The following GSDME variants were observed in gnomAD, a reference collection of about 807,000 sequenced individuals.
GSDME encodes gasdermin E.
A neutral mutation model predicts 47.5 loss-of-function variants in GSDME; 44 were observed. That is an observed-to-expected ratio of 0.93 (90% confidence interval 0.73 to 1.19). The LOEUF is 1.19. Among genes scored for constraint, GSDME ranks in the 50% most tolerant of loss-of-function variants. The pLI is 0.00. For missense variants in GSDME, 663 were observed against 604.2 expected (o/e 1.10, Z -1.02); for synonymous variants, 258 against 252.8 (o/e 1.02, Z -0.20).
the GSDME span, among the ~76,000 whole-genome samples, chr7:24,779,277 T>C: frequency 1.3e-5 from 2 of 152,120 alleles, no homozygotes; most frequent in African/African-American, 2.4e-5. This position sits in a 1 kb window ranked among gnomAD's most constrained non-coding sequence, Gnocchi z 6.0. Context: ...AAGAAAGTGG[T>C]TAGTAACTGC....
chr7:24,723,793 G>A (rs910493486), intron 3 of GSDME, among the ~76,000 whole-genome samples: 1 of 152,142 alleles, frequency 6.6e-6, no homozygotes, highest in African/African-American at 2.4e-5. Context: ...CTCTTGTATT[G>A]CTATGTTCAT....
chr7:24,707,631 G>A, intron 7 of GSDME: 1 of 355,714 alleles, frequency 2.8e-6, no homozygotes, highest in Non-Finnish European at 5.5e-6. Context: ...CCTAGATTGG[G>A]GTGGGCCCTA....
rs1282662442 is a variant in GSDME at position 24,735,807 on chromosome 7, A to AT, written c.404+8754_404+8755insA. Among the ~76,000 whole-genome samples, 1 of 150,570 alleles carries AT rather than the reference A, an allele frequency of 6.6e-6. No homozygotes were observed. On this transcript the variant is annotated intron_variant, in intron 3 of 9. Transcript: ENST00000645220. The surrounding 1 kb of genome is among the most constrained non-coding windows in gnomAD (Gnocchi z 4.4). Reference sequence around the variant, plus strand: ...AATAAATAAATAAATAAATAAATAAAACTACAAAAACTTTTCAAGACATAG... The same window carrying AT: ...AATAAATAAATAAATAAATAAATAAATACTACAAAAACTTTTCAAGACATAG...
chr7:24,778,037 GA>G, the GSDME span, among the ~76,000 whole-genome samples: 7 of 144,654 alleles, frequency 4.8e-5, no homozygotes, highest in Admixed American at 6.9e-5. The surrounding 1 kb of genome is among the most constrained non-coding windows in gnomAD (Gnocchi z 5.6). Flanking sequence ...GGCCGGGAAT[GA>G]AAAAAAAAAG....
At chr7:24,794,270 C>T in the GSDME span, among the ~76,000 whole-genome samples, 1 of 144,912 alleles carries the variant, frequency 6.9e-6, no homozygotes, top group African/African-American at 2.6e-5. Context: ...TTTCTTCTCT[C>T]TCTCTCTTTC....
At position 24,712,743 on chromosome 7, in the gene GSDME, G is replaced by A. The variant is rs551498546; in HGVS notation, c.698-2355C>T. Among the ~76,000 whole-genome samples, 2 of 152,300 alleles carry A rather than the reference G, an allele frequency of 1.3e-5. No individual in the cohort carries two copies. The highest frequency in any genetic ancestry group is 4.8e-5 in the African/African-American group (2 of 41,564). On this transcript the variant is annotated intron_variant, in intron 5 of 9. Transcript: ENST00000645220. This position sits in a 1 kb window ranked among gnomAD's most constrained non-coding sequence, Gnocchi z 4.4. The stretch of plus-strand genomic sequence containing the variant: ...CAGACAGATTAACAAGAGAGGCCAG[G>A]CACGGTGGCTCACACCTATAATCCT...
rs1000254750 is a variant in GSDME at position 24,724,926 on chromosome 7, C to T, written c.405-5708G>A. 1.3e-5 allele frequency: 2 copies of T among 152,034 alleles called. No homozygotes were observed. Among genetic ancestry groups the T allele is most frequent in the Admixed American group, 1.3e-4 (2 of 15,266 alleles). 9.4% of individuals were successfully genotyped at this position (152,034 alleles called of 1,614,324 possible). ...GTTCACACTGGTTAAGAGTGTGGTA[C>T]CTTCCCCCTCACTCTCTCTTGTTCC... On this transcript the variant is annotated intron_variant, in intron 3 of 9. Transcript: ENST00000645220. The surrounding 1 kb of genome is among the most constrained non-coding windows in gnomAD (Gnocchi z 4.8).
Position 24,705,649 on chromosome 7 carries a change from C to T in GSDME, c.1183+535G>A, listed in dbSNP as rs761317634. 5.5e-6 allele frequency: 1 copy of T among 182,612 alleles called. No homozygotes were observed. The highest frequency in any genetic ancestry group is 1.2e-5 in the Non-Finnish European group (1 of 86,430). The allele number at this position is 182,612 out of a possible 1,614,324, so 11.3% of individuals were successfully genotyped here. A position where few individuals can be genotyped will look rare whatever the true frequency, so the allele number is the denominator to read the frequency against. The stretch of plus-strand genomic sequence containing the variant: ...TGGCTGCTCCCCTGGGAGGCCATTT[C>T]AGGACCAGTGCAGAAGCTGTGCATC... On this transcript the variant is annotated intron_variant, in intron 8 of 9. Transcript: ENST00000645220. This position sits in a 1 kb window ranked among gnomAD's most constrained non-coding sequence, Gnocchi z 4.1.
At chr7:24,719,784 C>A (rs1387095428) in intron 3 of GSDME, among the ~76,000 whole-genome samples, 1 of 151,462 alleles carries the variant, frequency 6.6e-6, no homozygotes, top group East Asian at 1.9e-4. Flanking sequence ...CAGAGCAAGA[C>A]TCCATCTCAA....
intron 3 of GSDME, among the ~76,000 whole-genome samples, chr7:24,734,431 C>T (rs572273626): frequency 6.6e-6 from 1 of 152,360 alleles, no homozygotes; most frequent in East Asian, 1.9e-4. Context: ...AACATGACTT[C>T]ACCAAACAAA....
chr7:24,699,301 T>TA (rs764101291), intron 9 of GSDME, 42 bp from the exon 10 acceptor site: 9 of 1,461,390 alleles, frequency 6.2e-6, no homozygotes, highest in East Asian at 2.3e-5. Context: ...TAAAATGTCC[T>TA]AAAAAATCCA....
At chr7:24,771,100 G>A in the GSDME span, among the ~76,000 whole-genome samples, 9 of 152,048 alleles carry the variant, frequency 5.9e-5, no homozygotes, top group Non-Finnish European at 1.2e-4. This position sits in a 1 kb window ranked among gnomAD's most constrained non-coding sequence, Gnocchi z 4.1. Flanking sequence ...TAGGCGTATC[G>A]TATTGAAACT....
In GSDME at chr7:24,712,482, C is replaced by CCCAG. The variant is rs928953835; in HGVS notation, c.698-2098_698-2095dup. Reference sequence around the variant, plus strand: ...CCTTCATTCTTTTCATCCATCCATCCCCAGCCAGCCAGCCAGCAAATATGC... The same window carrying CCCAG: ...CCTTCATTCTTTTCATCCATCCATCCCCAGCCAGCCAGCCAGCCAGCAAATATGC... On this transcript the variant is annotated intron_variant, in intron 5 of 9. Transcript: ENST00000645220. This position sits in a 1 kb window ranked among gnomAD's most constrained non-coding sequence, Gnocchi z 4.4. Among the ~76,000 whole-genome samples the CCCAG allele has an allele frequency of 5.9e-5, 9 of 152,148 alleles. No individual in the cohort carries two copies. Among genetic ancestry groups the CCCAG allele is most frequent in the East Asian group, 1.9e-4 (1 of 5,198 alleles).
In GSDME at chr7:24,699,024, C is replaced by T. The variant is rs761645664; in HGVS notation, c.*2G>A. ...ACACGTACTTCTAGTTCACATATGA[C>T]ATCATGAATGTTCTCTGCCTAAAGC... On this transcript the variant is annotated 3_prime_UTR_variant, in exon 10 of 10. Transcript: ENST00000645220. The T allele has an allele frequency of 1.2e-6, 2 of 1,602,562 alleles. No homozygotes were observed. Among genetic ancestry groups the T allele is most frequent in the East Asian group, 2.2e-5 (1 of 44,810 alleles).
chr7:24,792,155 C>T, the GSDME span, among the ~76,000 whole-genome samples: 1 of 152,220 alleles, frequency 6.6e-6, no homozygotes, highest in African/African-American at 2.4e-5. Context: ...TTGATTCATT[C>T]CAACCAGACA....
At position 24,725,409 on chromosome 7, in the gene GSDME, C is replaced by G. The variant is rs1789932330; in HGVS notation, c.405-6191G>C. On this transcript the variant is annotated intron_variant, in intron 3 of 9. Transcript: ENST00000645220. The surrounding 1 kb of genome is among the most constrained non-coding windows in gnomAD (Gnocchi z 5.1). The stretch of plus-strand genomic sequence containing the variant: ...TTTTCAGGATGCTTTATAAGGGAGC[C>G]CTCAGCCAGGTGTAGGAGGACGAGC... Among the ~76,000 whole-genome samples the G allele has an allele frequency of 6.6e-6, 1 of 152,102 alleles. No homozygotes were observed. Among genetic ancestry groups the G allele is most frequent in the Non-Finnish European group, 1.5e-5 (1 of 68,018 alleles).
At position 24,724,880 on chromosome 7, in the gene GSDME, ATGAG is replaced by A. The variant is rs142495855; in HGVS notation, c.405-5666_405-5663del. The A allele has an allele frequency of 0.038, 5,809 of 152,300 alleles. 153 individuals carry two copies. The highest frequency in any genetic ancestry group is 0.057 in the Non-Finnish European group (3,864 of 68,042). 9.4% of individuals were successfully genotyped at this position (152,300 alleles called of 1,614,324 possible). The stretch of plus-strand genomic sequence containing the variant: ...AAGGCTTGGTGCCCGCCTTGCAGTA[ATGAG>A]TGAGTTTACACTCTGAGTTCACACT... On this transcript the variant is annotated intron_variant, in intron 3 of 9. Transcript: ENST00000645220. The surrounding 1 kb of genome is among the most constrained non-coding windows in gnomAD (Gnocchi z 4.8).
At chr7:24,701,508 TTTC>T (rs1788869347) in intron 9 of GSDME, among the ~76,000 whole-genome samples, 2 of 152,130 alleles carry the variant, frequency 1.3e-5, no homozygotes, top group Admixed American at 6.5e-5. Context: ...TTGGCAGGAT[TTTC>T]TTTTTATTTG....
intron 2 of GSDME, among the ~76,000 whole-genome samples, chr7:24,747,544 C>T (rs1790705371): frequency 6.6e-6 from 1 of 152,172 alleles, no homozygotes; most frequent in Non-Finnish European, 1.5e-5. Flanking sequence ...GAGTAAGTAC[C>T]AAGTGTTCAA....
Sources: allele counts gnomAD v4.1 joint callset (sites outside exome capture counted in the v4.1 genomes callset), GRCh38; gene constraint gnomAD v4.1.1; non-coding constraint Gnocchi (gnomAD v3.1); transcripts MANE v1.5; gene names NCBI Gene and HGNC (gene_info 2026-07-23, HGNC 2026-07-21).